Variants in RORA observed in about 807,000 individuals in gnomAD.
The protein encoded by RORA is nuclear receptor ROR-alpha.
RORA carries 7 observed loss-of-function variants against 69.5 expected under a neutral mutation model. The ratio of observed to expected loss-of-function variants is 0.10; its 90% CI spans 0.06 to 0.19. The LOEUF (loss-of-function observed/expected upper bound fraction) is 0.19, where lower values mean the gene tolerates loss of function less well. RORA is among the 10% of genes least tolerant of loss of function. The pLI, the probability that RORA is intolerant of heterozygous loss-of-function variation, is 1.00. For synonymous variants in RORA, 261 were observed against 240.8 expected, an observed-to-expected ratio of 1.08 and a Z score of -0.78; for missense variants, 457 against 663.0, an observed-to-expected ratio of 0.69 and a Z score of 3.41.
intron 1 of RORA, among the ~76,000 whole-genome samples, chr15:60,737,050 T>A (rs2071510630): frequency 6.6e-6 from 1 of 152,150 alleles, no homozygotes; most frequent in African/African-American, 2.4e-5. Flanking sequence ...AAGTGTACTT[T>A]CAGACCTGAA....
At chr15:61,075,532 T>G (rs561697284) in intron 1 of RORA, among the ~76,000 whole-genome samples, 1 of 152,276 alleles carries the variant, frequency 6.6e-6, no homozygotes, top group East Asian at 1.9e-4. Context: ...TCTGTTTGAG[T>G]GGAGAAGTAA....
chr15:60,714,122 C>G (rs2071184910), intron 1 of RORA, among the ~76,000 whole-genome samples: 1 of 151,918 alleles, frequency 6.6e-6, no homozygotes. Context: ...GGCGTGGTCT[C>G]AGCTCACTGC....
chr15:60,864,794 T>G (rs953902698), intron 1 of RORA, among the ~76,000 whole-genome samples: 1 of 152,240 alleles, frequency 6.6e-6, no homozygotes, highest in Non-Finnish European at 1.5e-5. Context: ...AGGGTGGGCA[T>G]CTCAGTGCCA....
intron 1 of RORA, among the ~76,000 whole-genome samples, chr15:60,752,907 ACTGT>A (rs2071747718): frequency 6.6e-6 from 1 of 152,158 alleles, no homozygotes; most frequent in Non-Finnish European, 1.5e-5. Context: ...CCATCCAGGG[ACTGT>A]CAAAACCAAA....
At position 60,492,298 on chromosome 15, in the gene RORA, A is replaced by C. The variant is rs1315250861; in HGVS notation, c.*5157T>G. ...AGTAATATGTGGAATATGATAACAA[A>C]ACGGTATTTCAAAAATATAACATGT... On this transcript the variant is annotated 3_prime_UTR_variant, in exon 11 of 11. Coordinates refer to ENST00000335670, the MANE Select transcript of RORA (RefSeq NM_134261.3). The C allele has an allele frequency of 6.6e-6, 1 of 152,172 alleles. No homozygotes were observed. Among genetic ancestry groups the C allele is most frequent in the Non-Finnish European group, 1.5e-5 (1 of 68,012 alleles). 9.4% of individuals were successfully genotyped at this position (152,172 alleles called of 1,614,324 possible). A position where few individuals can be genotyped will look rare whatever the true frequency, so the allele number is the denominator to read the frequency against.
chr15:60,910,658 A>C (rs8042228), intron 1 of RORA, among the ~76,000 whole-genome samples: 60,264 of 151,956 alleles, frequency 0.4, 12,256 homozygotes, highest in East Asian at 0.65. Context: ...ACTTAGAGAG[A>C]AACAGACAAG....
chr15:60,932,520 T>G (rs759662183), intron 1 of RORA, among the ~76,000 whole-genome samples: 6 of 152,222 alleles, frequency 3.9e-5, no homozygotes, highest in Non-Finnish European at 8.8e-5. Context: ...AGTTTCTCCA[T>G]GTAGTGCAAG....
At chr15:60,631,627 GA>G (rs35636703) in intron 2 of RORA, among the ~76,000 whole-genome samples, 26 of 149,142 alleles carry the variant, frequency 1.7e-4, no homozygotes, top group East Asian at 3.9e-4. Flanking sequence ...GTAGAATACT[GA>G]AAAAAAAAAT....
At chr15:61,216,731 G>GCTCAA (rs1388242803) in intron 1 of RORA, among the ~76,000 whole-genome samples, 2 of 152,166 alleles carry the variant, frequency 1.3e-5, no homozygotes, top group Non-Finnish European at 2.9e-5. Flanking sequence ...CGTCAGGAAA[G>GCTCAA]CTCAACAAGT....
chr15:61,006,775 C>T (rs117816375), intron 1 of RORA, among the ~76,000 whole-genome samples: 360 of 152,254 alleles, frequency 2.4e-3, no homozygotes, highest in Middle Eastern at 0.014. Context: ...CTAGATGCAA[C>T]TGACTGTCCC....
intron 1 of RORA, among the ~76,000 whole-genome samples, chr15:61,112,683 T>C (rs980483685): frequency 4.6e-5 from 7 of 152,236 alleles, no homozygotes; most frequent in Non-Finnish European, 7.4e-5. Flanking sequence ...GCTAAGAACA[T>C]GGTGGGAATT....
At chr15:60,797,712 G>A (rs747203439) in intron 1 of RORA, among the ~76,000 whole-genome samples, 2 of 152,114 alleles carry the variant, frequency 1.3e-5, no homozygotes, top group Non-Finnish European at 2.9e-5. Flanking sequence ...GCACACCCTG[G>A]TTCCCACCAA....
At chr15:61,148,021 G>A (rs1351174484) in intron 1 of RORA, among the ~76,000 whole-genome samples, 1 of 152,188 alleles carries the variant, frequency 6.6e-6, no homozygotes, top group African/African-American at 2.4e-5. Context: ...GGATCATTCT[G>A]GCAGTAAGGT....
chr15:60,863,285 CATA>C (rs2073452030), intron 1 of RORA, among the ~76,000 whole-genome samples: 1 of 152,156 alleles, frequency 6.6e-6, no homozygotes, highest in Admixed American at 6.5e-5. Context: ...CTGTACATGT[CATA>C]ATAAGGTCAT....
At chr15:61,170,373 CT>C in intron 1 of RORA, among the ~76,000 whole-genome samples, 1 of 152,186 alleles carries the variant, frequency 6.6e-6, no homozygotes, top group East Asian at 1.9e-4. Flanking sequence ...GTCTTCAAAT[CT>C]TTCTCTTCCT....
intron 6 of RORA, among the ~76,000 whole-genome samples, 194 bp downstream of exon 6, chr15:60,505,314 C>G (rs373890869): frequency 6.6e-6 from 1 of 152,290 alleles, no homozygotes; most frequent in South Asian, 2.1e-4. Flanking sequence ...AAATTATTTG[C>G]TATTGCTGAA....
chr15:60,542,736 C>CTCCCACACACGGCACACGGGCACACG (rs2066932344), intron 2 of RORA, among the ~76,000 whole-genome samples: 1 of 144,752 alleles, frequency 6.9e-6, no homozygotes, highest in African/African-American at 2.9e-5. Context: ...ACAGGCACAC[C>CTCCCACACACGGCACACGGGCACACG]TCAAACGACA....
intron 1 of RORA, among the ~76,000 whole-genome samples, chr15:60,849,909 T>C (rs1358373544): frequency 6.6e-6 from 1 of 152,084 alleles, no homozygotes; most frequent in African/African-American, 2.4e-5. Context: ...GTGAGGTGCG[T>C]CTCAAAGGCC....
intron 1 of RORA, among the ~76,000 whole-genome samples, chr15:60,958,572 G>C (rs189264627): frequency 6.6e-6 from 1 of 152,192 alleles, no homozygotes; most frequent in Admixed American, 6.5e-5. Context: ...TTTTATCCCT[G>C]TTTTAAAAAT....
Sources: gnomAD v4.1 joint callset for allele counts (sites outside exome capture counted in the v4.1 genomes callset) on GRCh38, gnomAD v4.1.1 for gene constraint, MANE v1.5 for transcripts, NCBI Gene and HGNC (gene_info 2026-07-23, HGNC 2026-07-21) for gene names.